Variants in NAT1 observed in about 807,000 individuals in gnomAD.
NAT1 encodes N-acetyltransferase 1.
For synonymous variants in NAT1, 144 were observed against 122.6 expected (o/e 1.17, Z -1.16); for missense variants, 400 against 339.2 (o/e 1.18, Z -1.41).
rs28359513 is a variant in NAT1 at position 18,218,263 on chromosome 8, G to A, written c.-85-1148G>A. On this transcript the variant is annotated intron_variant, in intron 1 of 2. Coordinates refer to ENST00000307719, the MANE Select transcript of NAT1 (RefSeq NM_000662.8). Reference sequence around the variant, plus strand: ...GTAATTCGGTATTCTTGGTCTCCTGGCCCCAATTCTAAAAAAAGTTCACGT... The same window carrying A: ...GTAATTCGGTATTCTTGGTCTCCTGACCCCAATTCTAAAAAAAGTTCACGT... Among the ~76,000 whole-genome samples the A allele has an allele frequency of 7.6e-3, 1,150 of 152,048 alleles. 7 individuals are homozygous for A. Among genetic ancestry groups the A allele is most frequent in the Middle Eastern group, 0.024 (7 of 294 alleles).
chr8:18,199,852 A>G (rs1005809575), intron 2 of NAT1, among the ~76,000 whole-genome samples: 1 of 152,214 alleles, frequency 6.6e-6, no homozygotes. Flanking sequence ...AAAGATGGGA[A>G]AAGGATATGA....
upstream of NAT1, among the ~76,000 whole-genome samples, chr8:18,207,102 C>T (rs372781718): frequency 7.9e-5 from 12 of 152,076 alleles, no homozygotes; most frequent in Non-Finnish European, 1.5e-4. Context: ...CTAGCCAGTT[C>T]TCCCAGCACC....
At chr8:18,173,146 GCACACACACACA>G (rs3038965) in intron 2 of NAT1, among the ~76,000 whole-genome samples, 3 of 146,536 alleles carry the variant, frequency 2.0e-5, no homozygotes, top group African/African-American at 5.0e-5. Context: ...ACACAGAGAT[GCACACACACACA>G]CACACACACA....
At chr8:18,206,819 T>C (rs571660565), upstream of NAT1, among the ~76,000 whole-genome samples, 1 of 152,216 alleles carries the variant, frequency 6.6e-6, no homozygotes, top group Admixed American at 6.5e-5. Context: ...ATAGAAATTA[T>C]AAATTACTTT....
intron 2 of NAT1, among the ~76,000 whole-genome samples, chr8:18,186,996 C>A (rs1802763733): frequency 1.3e-5 from 2 of 152,106 alleles, no homozygotes; most frequent in Admixed American, 1.3e-4. Context: ...GTTCCTTGTG[C>A]CTGAGGAGTT....
upstream of NAT1, among the ~76,000 whole-genome samples, chr8:18,208,376 A>G (rs1047580032): frequency 1.1e-4 from 17 of 152,358 alleles, no homozygotes; most frequent in South Asian, 6.2e-4. Context: ...GTGATCCTAC[A>G]TAGAGAAAAC....
chr8:18,210,086 C>T (rs556118700), upstream of NAT1: 2 of 152,288 alleles, frequency 1.3e-5, no homozygotes, highest in African/African-American at 2.4e-5. Context: ...AGCACTTCCC[C>T]TGCAGACTTT....
At chr8:18,216,943 C>A (rs756902161) in intron 1 of NAT1, 1 of 1,551,336 alleles carries the variant, frequency 6.4e-7, no homozygotes, top group African/African-American at 1.4e-5. Flanking sequence ...CCACAGGGTC[C>A]AGCTGTTGGC....
chr8:18,185,544 ATCTGTCTTTTGG>A (rs1359496154), intron 2 of NAT1, among the ~76,000 whole-genome samples: 1 of 152,030 alleles, frequency 6.6e-6, no homozygotes, highest in Non-Finnish European at 1.5e-5. Context: ...CCCTCTCTGT[ATCTGTCTTTTGG>A]TCAGTCTCAT....
upstream of NAT1, among the ~76,000 whole-genome samples, chr8:18,208,381 GAA>G (rs1293238346): frequency 2.0e-5 from 3 of 152,212 alleles, no homozygotes; most frequent in East Asian, 5.8e-4. Flanking sequence ...CCTACATAGA[GAA>G]AACTCAAAAC....
intron 2 of NAT1, among the ~76,000 whole-genome samples, chr8:18,186,371 A>G (rs1802735059): frequency 6.6e-6 from 1 of 152,118 alleles, no homozygotes; most frequent in South Asian, 2.1e-4. Flanking sequence ...CTTTTATCTC[A>G]GTGACTAGCT....
At chr8:18,183,369 C>G (rs1802600068) in intron 2 of NAT1, among the ~76,000 whole-genome samples, 1 of 152,148 alleles carries the variant, frequency 6.6e-6, no homozygotes, top group South Asian at 2.1e-4. Flanking sequence ...TGTGGTCCCC[C>G]AAAACTCACG....
At chr8:18,177,688 G>A (rs1032410273) in intron 2 of NAT1, among the ~76,000 whole-genome samples, 5 of 152,100 alleles carry the variant, frequency 3.3e-5, no homozygotes, top group African/African-American at 1.2e-4. Flanking sequence ...TAATGTTTAT[G>A]TTGACCTTTC....
chr8:18,201,191 A>G (rs1803447507), intron 2 of NAT1: 2 of 152,212 alleles, frequency 1.3e-5, no homozygotes, highest in Non-Finnish European at 2.9e-5. Flanking sequence ...TGACATTAAT[A>G]TAGATAGAAG....
At chr8:18,179,261 G>A (rs560750255) in intron 2 of NAT1, among the ~76,000 whole-genome samples, 20 of 152,228 alleles carry the variant, frequency 1.3e-4, no homozygotes, top group African/African-American at 4.1e-4. Context: ...CCTCAATGTG[G>A]TAATACTACA....
At chr8:18,174,903 T>C (rs1392116949) in intron 2 of NAT1, among the ~76,000 whole-genome samples, 1 of 151,998 alleles carries the variant, frequency 6.6e-6, no homozygotes, top group Non-Finnish European at 1.5e-5. Context: ...ACATACACAG[T>C]CCTCAAAGGG....
chr8:18,200,410 T>C (rs964820099), intron 2 of NAT1, among the ~76,000 whole-genome samples: 2 of 152,190 alleles, frequency 1.3e-5, no homozygotes, highest in African/African-American at 4.8e-5. Flanking sequence ...TGGAGGCCAT[T>C]GTCCTAAGCA....
At chr8:18,171,496 G>A (rs142934055) in intron 2 of NAT1, among the ~76,000 whole-genome samples, 1 of 152,240 alleles carries the variant, frequency 6.6e-6, no homozygotes, top group East Asian at 1.9e-4. Context: ...CTTCCTACAT[G>A]TTTTTACCTC....
intron 2 of NAT1, among the ~76,000 whole-genome samples, chr8:18,182,422 T>A (rs1355577787): frequency 1.3e-5 from 2 of 152,234 alleles, no homozygotes; most frequent in African/African-American, 2.4e-5. Flanking sequence ...TCTGCACTGA[T>A]GTTTATTGGA....
Sources: gnomAD v4.1 joint callset for allele counts (sites outside exome capture counted in the v4.1 genomes callset) on GRCh38, gnomAD v4.1.1 for gene constraint, MANE v1.5 for transcripts, NCBI Gene and HGNC (gene_info 2026-07-23, HGNC 2026-07-21) for gene names.